WDFY4: variants seen among roughly 807,000 people sequenced by gnomAD.
The protein encoded by WDFY4 is WD repeat- and FYVE domain-containing protein 4.
In WDFY4, 169 loss-of-function variants were observed where a neutral mutation model predicts 351.9. The ratio of observed to expected loss-of-function variants is 0.48; its 90% confidence interval spans 0.42 to 0.55. The LOEUF is 0.55. Among genes scored for constraint, WDFY4 ranks in the 20% least tolerant of loss-of-function variants. WDFY4 has a pLI of 0.00. For missense variants in WDFY4, 3,803 were observed against 3,935.6 expected (o/e 0.97, Z 0.90); for synonymous variants, 1,622 against 1,574.6 (o/e 1.03, Z -0.71).
rs780881809 is a variant in WDFY4 at position 48,778,585 on chromosome 10, G to A, written c.3176-26G>A. 6 of 1,546,108 alleles carry A rather than the reference G, an allele frequency of 3.9e-6. No individual in the cohort carries two copies. The South Asian group carries it at 7.2e-5, about 18-fold the overall frequency. ...TGCTCAGCAGGGCAGAACAAAGCCT[G>A]AGGGCATGCCTGTGTTCCCACCCAG... On this transcript the variant is annotated intron_variant, in intron 17 of 61. Transcript: ENST00000325239.
intron 29 of WDFY4, 136 bp downstream of exon 29, chr10:48,810,871 G>A (rs2067421881): frequency 5.4e-6 from 5 of 922,120 alleles, no homozygotes; most frequent in African/African-American, 5.0e-5. Flanking sequence ...TGACTCCAAG[G>A]CCTACATCCA....
chr10:48,971,751 G>T (rs1044898645), intron 57 of WDFY4, among the ~76,000 whole-genome samples: 1 of 152,194 alleles, frequency 6.6e-6, no homozygotes, highest in African/African-American at 2.4e-5. Context: ...GCGAGAAGGG[G>T]CTGACACATA....
intron 51 of WDFY4, among the ~76,000 whole-genome samples, chr10:48,950,777 G>T (rs913637251): frequency 6.6e-6 from 1 of 152,248 alleles, no homozygotes; most frequent in South Asian, 2.1e-4. Context: ...ACACACAGGT[G>T]CACAGGCATG....
At chr10:48,857,561 C>A (rs1234721788) in intron 39 of WDFY4, among the ~76,000 whole-genome samples, 1 of 151,902 alleles carries the variant, frequency 6.6e-6, no homozygotes, top group Non-Finnish European at 1.5e-5. Context: ...TCTCAGGAAT[C>A]CCTAGAAATT....
chr10:48,744,857 C>T (rs1383363665), intron 12 of WDFY4, among the ~76,000 whole-genome samples: 1 of 152,166 alleles, frequency 6.6e-6, no homozygotes, highest in Non-Finnish European at 1.5e-5. Context: ...CACGATGGCT[C>T]CCTCACGCTC....
chr10:48,900,170 G>T, intron 45 of WDFY4, 51 bp from the exon 46 acceptor site: 2 of 1,500,778 alleles, frequency 1.3e-6, no homozygotes, highest in Non-Finnish European at 9.0e-7. Flanking sequence ...ACCCTGGGGC[G>T]TCTCTAGTCC....
At chr10:48,863,594 A>G (rs747050915) in intron 39 of WDFY4, among the ~76,000 whole-genome samples, 3 of 152,146 alleles carry the variant, frequency 2.0e-5, no homozygotes, top group Non-Finnish European at 4.4e-5. Flanking sequence ...TATTCTAGAT[A>G]TGAGTCCCTT....
At chr10:48,822,243 G>A in intron 34 of WDFY4, 137 bp from the exon 35 acceptor site, 2 of 969,474 alleles carry the variant, frequency 2.1e-6, no homozygotes, top group Non-Finnish European at 2.8e-6. Flanking sequence ...CACCTCGTCA[G>A]TACAAGACTC....
intron 11 of WDFY4, among the ~76,000 whole-genome samples, chr10:48,738,354 A>T (rs1291973344): frequency 1.3e-5 from 2 of 152,238 alleles, no homozygotes; most frequent in Non-Finnish European, 2.9e-5. Flanking sequence ...TAAAGTCGTT[A>T]TGGTGTTTTA....
At chr10:48,740,796 G>A (rs988219758) in intron 11 of WDFY4, among the ~76,000 whole-genome samples, 1 of 152,116 alleles carries the variant, frequency 6.6e-6, no homozygotes, top group Admixed American at 6.6e-5. Flanking sequence ...CTTGATGCTG[G>A]GTTTCTTTCA....
At chr10:48,773,709 T>C (rs1013912796) in intron 13 of WDFY4, among the ~76,000 whole-genome samples, 34 of 152,224 alleles carry the variant, frequency 2.2e-4, no homozygotes, top group African/African-American at 7.7e-4. Flanking sequence ...CGGAGGGAGA[T>C]GGCACCCAGG....
chr10:48,717,576 G>A (rs1344259764), intron 2 of WDFY4, among the ~76,000 whole-genome samples: 1 of 152,122 alleles, frequency 6.6e-6, no homozygotes, highest in Non-Finnish European at 1.5e-5. Context: ...CTCATTCCCT[G>A]GGTGGATGTT....
chr10:48,845,035 T>A (rs748683605), intron 39 of WDFY4, among the ~76,000 whole-genome samples: 2 of 152,130 alleles, frequency 1.3e-5, no homozygotes, highest in Non-Finnish European at 2.9e-5. Context: ...GGAGGAGAGC[T>A]TGGGAAAGGA....
chr10:48,795,390 G>A (rs2940704), intron 23 of WDFY4, among the ~76,000 whole-genome samples: 68,689 of 150,032 alleles, frequency 0.46, 18,434 homozygotes, highest in East Asian at 0.84. Context: ...ATTTGACACT[G>A]TTTGATGTAA....
chr10:48,776,783 C>G lies in WDFY4; in HGVS notation c.2897C>G (p.Pro966Arg), dbSNP rs751734823. ...SQTAQGLAEG[P>R]WPAAPDAGLH... is the part of the protein sequence containing the mutation. ...ACTGCACAGGGCTTGGCTGAGGGGC[C>G]CTGGCCAGCTGCCCCAGATGCTGGG... Residue 966 changes from proline to arginine, a missense_variant, in exon 16 of 62, where the codon CCC becomes CGC. Coordinates refer to ENST00000325239, the MANE Select transcript of WDFY4 (RefSeq NM_001394531.1). 5.8e-6 allele frequency: 9 copies of G among 1,541,690 alleles called. No individual in the cohort carries two copies. The highest frequency in any genetic ancestry group is 7.9e-6 in the Non-Finnish European group (9 of 1,138,916).
intron 44 of WDFY4, among the ~76,000 whole-genome samples, chr10:48,891,729 C>A (rs1016250911): frequency 1.6e-4 from 25 of 152,344 alleles, no homozygotes; most frequent in African/African-American, 7.2e-5. Context: ...AAGTTCCCAG[C>A]TGATGCTGAT....
At position 48,760,432 on chromosome 10, in the gene WDFY4, C is replaced by G; in HGVS notation, c.2545C>G (p.His849Asp). ...RLLPRLYHED[H>D]PQLSEEIQCS... ...GCTGCCTCGGTTGTACCATGAAGAT[C>G]ACCCACAGGTACCTGGTGTTGAATA... The change falls in exon 13 of 62, where the codon CAC becomes GAC. Residue 849 changes from histidine (H) to aspartate (D), a missense_variant. Coordinates refer to ENST00000325239, the MANE Select transcript of WDFY4 (RefSeq NM_001394531.1). The G allele has an allele frequency of 6.4e-7, 1 of 1,551,658 alleles. No individual in the cohort carries two copies. Among genetic ancestry groups the G allele is most frequent in the Non-Finnish European group, 8.7e-7 (1 of 1,146,968 alleles).
At chr10:48,886,852 G>C (rs1481064374) in intron 43 of WDFY4, among the ~76,000 whole-genome samples, 1 of 152,160 alleles carries the variant, frequency 6.6e-6, no homozygotes, top group Non-Finnish European at 1.5e-5. Flanking sequence ...ATATCATTCA[G>C]TTGATCTTAA....
At chr10:48,904,742 G>T (rs1370666694) in intron 47 of WDFY4, among the ~76,000 whole-genome samples, 2 of 152,212 alleles carry the variant, frequency 1.3e-5, no homozygotes, top group Admixed American at 6.5e-5. Context: ...CCCCAGTTAG[G>T]TTAATTACAT....
Sources: allele counts gnomAD v4.1 joint callset (sites outside exome capture counted in the v4.1 genomes callset), GRCh38; gene constraint gnomAD v4.1.1; transcripts MANE v1.5; gene names NCBI Gene and HGNC (gene_info 2026-07-23, HGNC 2026-07-21).